The following GRM5 variants were observed in gnomAD, a reference collection of about 807,000 sequenced individuals.
The protein encoded by GRM5 is metabotropic glutamate receptor 5.
A neutral mutation model predicts 83.1 loss-of-function variants in GRM5; 19 were observed. The ratio of observed to expected loss-of-function variants is 0.23; its 90% CI spans 0.16 to 0.34. The LOEUF (loss-of-function observed/expected upper bound fraction) is 0.34. Among genes scored for constraint, GRM5 ranks in the 10% least tolerant of loss-of-function variants. The probability of loss-of-function intolerance (pLI) is 1.00; values close to 1 mark genes in which losing one functional copy is unlikely to be tolerated. For synonymous variants in GRM5, 675 were observed against 633.6 expected, an observed-to-expected ratio of 1.07 and a Z score of -0.98; for missense variants, 1,160 against 1,588.3, an observed-to-expected ratio of 0.73 and a Z score of 4.58.
intron 8 of GRM5, among the ~76,000 whole-genome samples, chr11:88,563,138 C>G (rs1039153010): frequency 1.3e-5 from 2 of 152,176 alleles, no homozygotes; most frequent in African/African-American, 4.8e-5. Flanking sequence ...TTATTGAATA[C>G]TTTCTACGTG....
rs199861101 is a variant in GRM5 at position 88,787,088 on chromosome 11, AAAC to A, written c.911+62815_911+62817del. ...CAGATTGTAGTTAATAGAATGAACA[AAAC>A]AAGCAGATATCTTTATTTAAAAATA... On this transcript the variant is annotated intron_variant, in intron 3 of 9. Coordinates refer to ENST00000305447, the MANE Select transcript of GRM5 (RefSeq NM_001143831.3). 3.3e-5 allele frequency among the ~76,000 whole-genome samples: 5 copies of A among 152,120 alleles called. No individual in the cohort carries two copies. In the East Asian group the frequency reaches 7.7e-4, roughly 24 times the overall value.
At chr11:88,662,819 C>T (rs754551675) in intron 3 of GRM5, among the ~76,000 whole-genome samples, 2 of 152,128 alleles carry the variant, frequency 1.3e-5, no homozygotes, top group Non-Finnish European at 2.9e-5. Context: ...AGAATGGAGA[C>T]TCAAGCCTAC....
At chr11:89,008,612 G>A (rs931574482) in intron 2 of GRM5, among the ~76,000 whole-genome samples, 1 of 152,074 alleles carries the variant, frequency 6.6e-6, no homozygotes, top group African/African-American at 2.4e-5. Context: ...ACACAATCAT[G>A]TTGTTACTGG....
intron 2 of GRM5, among the ~76,000 whole-genome samples, chr11:88,900,330 C>T (rs192188974): frequency 6.6e-6 from 1 of 152,244 alleles, no homozygotes; most frequent in African/African-American, 2.4e-5. Flanking sequence ...CAGTTTCAAG[C>T]CACAAATGTG....
At chr11:88,670,594 ATAATT>A (rs373648144) in intron 3 of GRM5, among the ~76,000 whole-genome samples, 57 of 152,060 alleles carry the variant, frequency 3.7e-4, no homozygotes, top group Non-Finnish European at 6.5e-4. Flanking sequence ...AATAATTTCT[ATAATT>A]TAATATAAAA....
At chr11:88,577,069 C>G (rs1388039783) in intron 7 of GRM5, among the ~76,000 whole-genome samples, 1 of 152,060 alleles carries the variant, frequency 6.6e-6, no homozygotes, top group Admixed American at 6.6e-5. Flanking sequence ...ACTCTCCAGG[C>G]CCCACTATAT....
At chr11:88,542,990 C>T (rs1422285193) in intron 8 of GRM5, among the ~76,000 whole-genome samples, 1 of 152,150 alleles carries the variant, frequency 6.6e-6, no homozygotes, top group South Asian at 2.1e-4. Flanking sequence ...ATCACCTGAG[C>T]CCGGGAAGTG....
rs1251718846 is a variant in GRM5 at position 88,582,752 on chromosome 11, A to G, written c.1690+7849T>C. 2.0e-5 allele frequency among the ~76,000 whole-genome samples: 3 copies of G among 152,322 alleles called. No individual in the cohort carries two copies. In the East Asian group the frequency reaches 5.8e-4, roughly 29 times the overall value. The stretch of plus-strand genomic sequence containing the variant: ...TTATAATAGTCAAATAACACATTTT[A>G]AGCACATTTGGAATAAAAAATATCA... On this transcript the variant is annotated intron_variant, in intron 7 of 9. Coordinates refer to ENST00000305447, the MANE Select transcript of GRM5 (RefSeq NM_001143831.3).
At chr11:88,990,233 C>A (rs1939916536) in intron 2 of GRM5, among the ~76,000 whole-genome samples, 1 of 151,964 alleles carries the variant, frequency 6.6e-6, no homozygotes, top group African/African-American at 2.4e-5. Flanking sequence ...ACTACAAACA[C>A]CTCTATGCAA....
At position 88,509,258 on chromosome 11, in the gene GRM5, C is replaced by T. The variant is rs1194245638; in HGVS notation, c.2973G>A (p.Glu991=). ...GCAGAGPGGP[E]SPDAGPKALY... is the part of the protein sequence containing the mutation. ...GCGCCTTGGGGCCGGCGTCTGGGGA[C>T]TCGGGCCCGCCTGGGCCGGCGCCTG... Residue 991 remains glutamate (E), a synonymous_variant, in exon 10 of 10, where the codon GAG becomes GAA. Transcript: ENST00000305447. 7.4e-6 allele frequency: 11 copies of T among 1,486,100 alleles called. No homozygotes were observed. The East Asian group carries it at 3.0e-4, about 40-fold the overall frequency. 92.1% of individuals were successfully genotyped at this position (1,486,100 alleles called of 1,614,324 possible).
At chr11:88,958,302 C>T (rs1265172565) in intron 2 of GRM5, among the ~76,000 whole-genome samples, 5 of 150,558 alleles carry the variant, frequency 3.3e-5, no homozygotes, top group Admixed American at 2.6e-4. Context: ...ATATAGTATC[C>T]TGTTCACCTC....
intron 3 of GRM5, among the ~76,000 whole-genome samples, chr11:88,735,763 A>AAAATGTCAGACCGTTCGGGAGACATAT (rs1343104178): frequency 2.6e-5 from 4 of 152,194 alleles, no homozygotes; most frequent in Non-Finnish European, 5.9e-5. Context: ...TCACCATGTC[A>AAAATGTCAGACCGTTCGGGAGACATAT]AAATGTCAGA....
At chr11:88,788,895 G>T (rs112727466) in intron 3 of GRM5, among the ~76,000 whole-genome samples, 1 of 152,116 alleles carries the variant, frequency 6.6e-6, no homozygotes, top group African/African-American at 2.4e-5. Flanking sequence ...AAGGATGAAC[G>T]CCTCCTCAAT....
intron 4 of GRM5, among the ~76,000 whole-genome samples, chr11:88,625,618 G>A (rs1161722072): frequency 6.6e-6 from 1 of 152,096 alleles, no homozygotes; most frequent in Non-Finnish European, 1.5e-5. Context: ...TAGAGGGAAT[G>A]TTTAATTGGA....
chr11:88,668,297 G>GCACACACACACACACACA (rs72052705), intron 3 of GRM5, among the ~76,000 whole-genome samples: 2 of 130,034 alleles, frequency 1.5e-5, no homozygotes, highest in African/African-American at 6.0e-5. Context: ...CCAGAAACTC[G>GCACACACACACACACACA]CACACACACA....
intron 3 of GRM5, among the ~76,000 whole-genome samples, chr11:88,826,455 A>G (rs10831498): frequency 0.053 from 8,050 of 151,304 alleles, 397 homozygotes; most frequent in Admixed American, 0.16. Flanking sequence ...TATATATATA[A>G]TTATTTTATT....
At chr11:89,061,135 T>A (rs1941983200) in intron 1 of GRM5, among the ~76,000 whole-genome samples, 1 of 152,110 alleles carries the variant, frequency 6.6e-6, no homozygotes, top group South Asian at 2.1e-4. Flanking sequence ...ATAAAGTTGG[T>A]TTATACATGA....
chr11:88,540,226 C>A (rs115402528), intron 8 of GRM5, among the ~76,000 whole-genome samples: 1 of 152,224 alleles, frequency 6.6e-6, no homozygotes, highest in South Asian at 2.1e-4. Flanking sequence ...CTTCTTCCTT[C>A]ACCTTTCTTG....
At chr11:89,031,610 ATCC>A (rs1941265147) in intron 2 of GRM5, among the ~76,000 whole-genome samples, 1 of 151,998 alleles carries the variant, frequency 6.6e-6, no homozygotes, top group Non-Finnish European at 1.5e-5. Flanking sequence ...AAACAAAAAC[ATCC>A]AATATTATGT....
Sources: allele counts gnomAD v4.1 joint callset (sites outside exome capture counted in the v4.1 genomes callset), GRCh38; gene constraint gnomAD v4.1.1; transcripts MANE v1.5; gene names NCBI Gene and HGNC (gene_info 2026-07-23, HGNC 2026-07-21).